The following ANKRD18B variants were observed in gnomAD, a reference collection of about 807,000 sequenced individuals.
The protein encoded by ANKRD18B is ankyrin repeat domain 18B.
In ANKRD18B, 75 loss-of-function variants were observed where a neutral mutation model predicts 111.8. The observed-to-expected ratio is 0.67, with a 90% CI of 0.56 to 0.81. ANKRD18B has a LOEUF of 0.81. Ranked by LOEUF, ANKRD18B falls within the 40% of genes least tolerant of loss-of-function variation. ANKRD18B has a pLI of 0.00. For synonymous variants in ANKRD18B, 356 were observed against 417.3 expected (o/e 0.85, Z 1.79); for missense variants, 1,038 against 1,225.5 (o/e 0.85, Z 2.28).
rs1195417526 is a variant in ANKRD18B at position 33,550,485 on chromosome 9, T to A, written c.2123T>A (p.Met708Lys). The A allele has an allele frequency of 4.5e-6, 7 of 1,548,348 alleles. No individual in the cohort carries two copies. The highest frequency in any genetic ancestry group is 5.2e-6 in the Non-Finnish European group (6 of 1,145,592). The change falls in exon 12 of 19, where the codon ATG becomes AAG. Residue 708 changes from methionine (M) to lysine (K), a missense_variant. Met to Lys is a moderately conservative substitution (Grantham distance 95, BLOSUM62 -1). Around this residue, in one of 4 missense-constraint regions of ANKRD18B, gnomAD observed 524 missense variants for 677.9 expected, o/e 0.77. Transcript: ENST00000684830. ...GTCGATCATCTTAAAAAATTTTCAATGTCAGAGTCTCCACTGGAAGGTACA... is the reference window on the plus strand; with the variant it reads ...GTCGATCATCTTAAAAAATTTTCAAAGTCAGAGTCTCCACTGGAAGGTACA... ...ELVDHLKKFS[M>K]SESPLEGTSH...
chr9:33,549,139 G>A (rs1423558100), intron 11 of ANKRD18B, among the ~76,000 whole-genome samples: 2 of 152,142 alleles, frequency 1.3e-5, no homozygotes, highest in African/African-American at 2.4e-5. Context: ...AGAGATGGTT[G>A]CACGACACAG....
intron 17 of ANKRD18B, 23 bp from the exon 18 acceptor site, chr9:33,571,223 A>ATTT: frequency 1.2e-6 from 1 of 805,834 alleles, no homozygotes; most frequent in South Asian, 4.0e-5. Flanking sequence ...CATTATTATT[A>ATTT]TTTTTTTTTT....
intron 9 of ANKRD18B, among the ~76,000 whole-genome samples, chr9:33,541,948 G>A (rs397832798): frequency 2.6e-5 from 4 of 152,058 alleles, no homozygotes; most frequent in African/African-American, 9.7e-5. Flanking sequence ...TTCTCATGTA[G>A]ACAAAAACAT....
At chr9:33,527,878 G>A (rs1828049327) in intron 1 of ANKRD18B, among the ~76,000 whole-genome samples, 1 of 152,128 alleles carries the variant, frequency 6.6e-6, no homozygotes, top group South Asian at 2.1e-4. Flanking sequence ...AAAAAATTAT[G>A]AATTGTAAAT....
chr9:33,551,865 A>T (rs1177572237), intron 12 of ANKRD18B, among the ~76,000 whole-genome samples: 4 of 152,144 alleles, frequency 2.6e-5, no homozygotes, highest in Non-Finnish European at 5.9e-5. Flanking sequence ...ATTCATTCAG[A>T]CCTGACAGGC....
intron 9 of ANKRD18B, among the ~76,000 whole-genome samples, 185 bp from the exon 10 acceptor site, chr9:33,543,000 G>T (rs1288950135): frequency 6.6e-6 from 1 of 151,900 alleles, no homozygotes; most frequent in Non-Finnish European, 1.5e-5. Context: ...GTCTCCCCAA[G>T]TGGTTTGTTA....
chr9:33,553,417 G>C (rs1828475789), intron 12 of ANKRD18B, among the ~76,000 whole-genome samples: 1 of 152,130 alleles, frequency 6.6e-6, no homozygotes, highest in Non-Finnish European at 1.5e-5. Flanking sequence ...TAGACATCAG[G>C]CATAGGATTA....
At position 33,561,130 on chromosome 9, in the gene ANKRD18B, C is replaced by G. The variant is rs148983319; in HGVS notation, c.2460+2943C>G. Among the ~76,000 whole-genome samples, 481 of 152,280 alleles carry G rather than the reference C, an allele frequency of 3.2e-3. 4 individuals are homozygous for G. The highest frequency in any genetic ancestry group is 0.011 in the African/African-American group (452 of 41,550). On this transcript the variant is annotated intron_variant, in intron 14 of 18. Coordinates refer to ENST00000684830, the MANE Select transcript of ANKRD18B (RefSeq NM_001393611.1). ...GCTGACAATTTGTTTTCCAAAGTGGCTGCACCACTTTACATCCCCGGCAGC... is the reference window on the plus strand; with the variant it reads ...GCTGACAATTTGTTTTCCAAAGTGGGTGCACCACTTTACATCCCCGGCAGC...
At chr9:33,544,696 G>C (rs1331738100) in intron 10 of ANKRD18B, among the ~76,000 whole-genome samples, 2 of 152,130 alleles carry the variant, frequency 1.3e-5, no homozygotes. Flanking sequence ...AATTAGCTGG[G>C]TGTGGTGGTG....
chr9:33,535,884 G>A (rs1288470278), intron 5 of ANKRD18B, among the ~76,000 whole-genome samples: 2 of 149,552 alleles, frequency 1.3e-5, no homozygotes, highest in South Asian at 4.2e-4. Flanking sequence ...TTCATGTAAG[G>A]TGATCTGTGA....
intron 11 of ANKRD18B, 62 bp downstream of exon 11, chr9:33,548,917 A>T: frequency 1.5e-6 from 2 of 1,355,990 alleles, no homozygotes; most frequent in Non-Finnish European, 2.0e-6. Flanking sequence ...TTGTGGCTAT[A>T]TGTTGAACGT....
At chr9:33,531,454 A>G (rs190861704) in intron 3 of ANKRD18B, among the ~76,000 whole-genome samples, 1 of 152,050 alleles carries the variant, frequency 6.6e-6, no homozygotes, top group Non-Finnish European at 1.5e-5. Flanking sequence ...TTGAGTCAAC[A>G]TGTAAACTTT....
chr9:33,531,975 T>C (rs1201391725), intron 3 of ANKRD18B, among the ~76,000 whole-genome samples: 4 of 152,068 alleles, frequency 2.6e-5, no homozygotes, highest in Non-Finnish European at 4.4e-5. Flanking sequence ...TGGCTCATGC[T>C]TGTAATCTCA....
intron 13 of ANKRD18B, among the ~76,000 whole-genome samples, chr9:33,557,497 T>C (rs573106058): frequency 6.6e-6 from 1 of 152,284 alleles, no homozygotes; most frequent in Admixed American, 6.5e-5. Context: ...TATAAAAAAC[T>C]GTATGGTTAG....
At chr9:33,561,043 G>A (rs565931473) in intron 14 of ANKRD18B, among the ~76,000 whole-genome samples, 35 of 152,320 alleles carry the variant, frequency 2.3e-4, no homozygotes, top group African/African-American at 7.9e-4. Context: ...TTTTTGTGGA[G>A]TATATACTTA....
chr9:33,567,300 A>G lies in ANKRD18B; in HGVS notation c.2940A>G (p.Ser980=), dbSNP rs572390108. 1.2e-5 allele frequency: 18 copies of G among 1,541,024 alleles called. No homozygotes were observed. The highest frequency in any genetic ancestry group is 2.1e-5 in the Admixed American group (1 of 48,022). ...AVALKANSSM[S]EKITKSDKKI... is the part of the protein sequence containing the mutation. Reference sequence around the variant, plus strand: ...CATTGAAAGCTAACAGTTCCATGTCAGAAAAAATAACGAAGTAAGTCAAAA... The same window carrying G: ...CATTGAAAGCTAACAGTTCCATGTCGGAAAAAATAACGAAGTAAGTCAAAA... The change falls in exon 16 of 19, where the codon TCA becomes TCG. Residue 980 remains serine (S), a synonymous_variant. Transcript: ENST00000684830.
At chr9:33,536,987 C>A in intron 6 of ANKRD18B, 42 bp downstream of exon 6, 2 of 1,411,394 alleles carry the variant, frequency 1.4e-6, no homozygotes, top group East Asian at 5.4e-5. Context: ...CCTTGGTGAT[C>A]TTACTGATTT....
At chr9:33,568,214 T>A (rs557828214) in intron 16 of ANKRD18B, among the ~76,000 whole-genome samples, 1 of 152,362 alleles carries the variant, frequency 6.6e-6, no homozygotes, top group South Asian at 2.1e-4. Flanking sequence ...TTCCTTAATC[T>A]ACATTATTTA....
intron 14 of ANKRD18B, among the ~76,000 whole-genome samples, chr9:33,558,887 G>A (rs577396036): frequency 6.6e-6 from 1 of 152,234 alleles, no homozygotes; most frequent in Non-Finnish European, 1.5e-5. Flanking sequence ...TCACATTACA[G>A]TTTGGTTTTG....
Sources: gnomAD v4.1 joint callset for allele counts (sites outside exome capture counted in the v4.1 genomes callset) on GRCh38, gnomAD v4.1.1 for gene constraint, gnomAD v4.1.1 regional missense constraint, MANE v1.5 for transcripts, NCBI Gene and HGNC (gene_info 2026-07-23, HGNC 2026-07-21) for gene names.